Variants in ST3GAL3 observed in about 807,000 individuals in gnomAD.
ST3GAL3 encodes the protein ST3 beta-galactoside alpha-2,3-sialyltransferase 3.
A neutral mutation model predicts 50.1 loss-of-function variants in ST3GAL3; 21 were observed. The ratio of observed to expected loss-of-function variants is 0.42; its 90% CI spans 0.30 to 0.60. The LOEUF is 0.60. Ranked by LOEUF, ST3GAL3 falls within the 20% of genes least tolerant of loss-of-function variation. The probability of loss-of-function intolerance (pLI) is 0.19; values close to 1 mark genes in which losing one functional copy is unlikely to be tolerated. For missense variants in ST3GAL3, 353 were observed against 489.4 expected (o/e 0.72, Z 2.63); for synonymous variants, 183 against 190.0 (o/e 0.96, Z 0.30).
At chr1:43,884,910 C>T (rs966102292) in intron 5 of ST3GAL3, among the ~76,000 whole-genome samples, 1 of 152,208 alleles carries the variant, frequency 6.6e-6, no homozygotes. Flanking sequence ...GAAGACCCTA[C>T]CCTAGATCTG....
chr1:43,929,953 T>C lies in ST3GAL3; in HGVS notation c.1039-179T>C, dbSNP rs186472185. ...CTTGGGAAGGGAGGAGGATGAGCTG[T>C]GGCACTCCTAGAGCAGGGTCATCAT... On this transcript the variant is annotated intron_variant, in intron 11 of 11. Coordinates refer to ENST00000347631, the MANE Select transcript of ST3GAL3 (RefSeq NM_006279.5). 26 of 753,128 alleles carry C rather than the reference T, an allele frequency of 3.5e-5. No individual in the cohort carries two copies. The Admixed American group carries it at 3.6e-4, about 11-fold the overall frequency. The allele number at this position is 753,128 out of a possible 1,614,324, so 46.7% of individuals were successfully genotyped here.
At chr1:43,800,430 T>C (rs2059183245) in intron 3 of ST3GAL3, among the ~76,000 whole-genome samples, 1 of 152,246 alleles carries the variant, frequency 6.6e-6, no homozygotes, top group South Asian at 2.1e-4. Context: ...CCATGATTCA[T>C]GTGTGGTATG....
chr1:43,752,676 A>G (rs947254106), intron 2 of ST3GAL3, among the ~76,000 whole-genome samples: 3 of 151,872 alleles, frequency 2.0e-5, no homozygotes, highest in African/African-American at 4.8e-5. Context: ...GCTAATTTTT[A>G]TATTTTTGTA....
At chr1:43,912,857 G>A (rs1426727370) in intron 9 of ST3GAL3, 1 of 152,292 alleles carries the variant, frequency 6.6e-6, no homozygotes, top group Non-Finnish European at 1.5e-5. Flanking sequence ...GACTGAGGCA[G>A]GGACATTCCT....
chr1:43,841,702 A>G (rs188656000), intron 5 of ST3GAL3: 6 of 152,192 alleles, frequency 3.9e-5, no homozygotes, highest in South Asian at 2.1e-4. Flanking sequence ...CTTTTTCCCT[A>G]TTGTCTTAGA....
intron 5 of ST3GAL3, among the ~76,000 whole-genome samples, chr1:43,887,455 G>A (rs75049314): frequency 0.023 from 3,480 of 152,234 alleles, 58 homozygotes; most frequent in African/African-American, 0.041. Flanking sequence ...AGGCAAAGGA[G>A]AGAAAGAGAA....
intron 2 of ST3GAL3, among the ~76,000 whole-genome samples, chr1:43,744,005 A>G (rs1451011202): frequency 2.6e-5 from 4 of 152,190 alleles, no homozygotes; most frequent in African/African-American, 9.7e-5. Context: ...CTCTTTCTCC[A>G]TTAGTGGCAT....
intron 2 of ST3GAL3, among the ~76,000 whole-genome samples, chr1:43,768,682 G>T (rs925353957): frequency 7.2e-5 from 11 of 152,064 alleles, no homozygotes; most frequent in Admixed American, 6.6e-5. Context: ...AATAATATCC[G>T]ACTAAAACTG....
intron 5 of ST3GAL3, among the ~76,000 whole-genome samples, chr1:43,847,129 A>G (rs1022572401): frequency 2.0e-5 from 3 of 152,236 alleles, no homozygotes; most frequent in African/African-American, 7.2e-5. Context: ...TACTATGGCT[A>G]TTATCCCAAA....
chr1:43,774,760 T>C (rs1696543693), intron 2 of ST3GAL3, among the ~76,000 whole-genome samples: 1 of 152,238 alleles, frequency 6.6e-6, no homozygotes, highest in South Asian at 2.1e-4. Context: ...ATAGCATTTT[T>C]CGTTCATTCA....
chr1:43,750,225 A>G (rs569295689), intron 2 of ST3GAL3, among the ~76,000 whole-genome samples: 2 of 152,332 alleles, frequency 1.3e-5, no homozygotes, highest in South Asian at 4.1e-4. Context: ...GTGTTTTCAA[A>G]TGGAGTGTAA....
chr1:43,809,871 T>C (rs544218244), intron 3 of ST3GAL3, among the ~76,000 whole-genome samples: 2 of 151,584 alleles, frequency 1.3e-5, no homozygotes, highest in South Asian at 2.1e-4. Flanking sequence ...TGCATGCTTG[T>C]AATCCCAGCT....
At chr1:43,711,450 CA>C (rs913295164) in intron 1 of ST3GAL3, among the ~76,000 whole-genome samples, 1 of 152,224 alleles carries the variant, frequency 6.6e-6, no homozygotes, top group African/African-American at 2.4e-5. Context: ...TAGAGAATTT[CA>C]GTGTTAGCAT....
At position 43,898,263 on chromosome 1, in the gene ST3GAL3, C is replaced by G; in HGVS notation, c.426C>G (p.Val142=). ...QDNLIKAILS[V]TKEYRLTPAL... ...ATCTGATCAAAGCCATCTTGTCAGT[C>G]ACCAAAGAGTACCGCCTGACCCCTG... The change falls in exon 7 of 12, where the codon GTC becomes GTG. Residue 142 remains valine, a synonymous_variant. Transcript: ENST00000347631. 1 of 1,613,936 alleles carries G rather than the reference C, an allele frequency of 6.2e-7. No individual in the cohort carries two copies. Among genetic ancestry groups the G allele is most frequent in the Non-Finnish European group, 8.5e-7 (1 of 1,180,040 alleles).
chr1:43,928,107 A>G (rs1571682558), intron 11 of ST3GAL3, among the ~76,000 whole-genome samples: 1 of 152,266 alleles, frequency 6.6e-6, no homozygotes, highest in African/African-American at 2.4e-5. Context: ...CTGGATCAGA[A>G]TAAGGGCTAG....
At chr1:43,741,753 G>GT (rs1558093559) in intron 2 of ST3GAL3, among the ~76,000 whole-genome samples, 1 of 152,156 alleles carries the variant, frequency 6.6e-6, no homozygotes, top group Non-Finnish European at 1.5e-5. Flanking sequence ...TGAAGCAATT[G>GT]TGTCAGCCTG....
intron 4 of ST3GAL3, among the ~76,000 whole-genome samples, chr1:43,833,204 C>T (rs893956231): frequency 3.3e-5 from 5 of 152,180 alleles, no homozygotes; most frequent in African/African-American, 1.2e-4. Flanking sequence ...TTTCCCTGGC[C>T]ATCACCCCAC....
chr1:43,812,374 G>A (rs536604691), intron 3 of ST3GAL3, among the ~76,000 whole-genome samples: 2 of 152,340 alleles, frequency 1.3e-5, no homozygotes, highest in Admixed American at 1.3e-4. Flanking sequence ...TCTGGGCTCT[G>A]ACGCTAGAGC....
At chr1:43,874,898 C>T (rs2073769156) in intron 5 of ST3GAL3, among the ~76,000 whole-genome samples, 1 of 152,172 alleles carries the variant, frequency 6.6e-6, no homozygotes, top group Non-Finnish European at 1.5e-5. Flanking sequence ...GGAAGAATGA[C>T]TGAGCTGATA....
Sources: gnomAD v4.1 joint callset for allele counts (sites outside exome capture counted in the v4.1 genomes callset) on GRCh38, gnomAD v4.1.1 for gene constraint, MANE v1.5 for transcripts, NCBI Gene and HGNC (gene_info 2026-07-23, HGNC 2026-07-21) for gene names.